The following CA10 variants were observed in gnomAD, a reference collection of about 807,000 sequenced individuals.
CA10 encodes carbonic anhydrase-related protein 10.
A neutral mutation model predicts 44.2 loss-of-function variants in CA10; 14 were observed. The observed-to-expected ratio is 0.32, with a 90% CI of 0.21 to 0.50. The LOEUF (loss-of-function observed/expected upper bound fraction) is 0.50, where lower values mean the gene tolerates loss of function less well. Ranked by LOEUF, CA10 falls within the 20% of genes least tolerant of loss-of-function variation. The pLI is 0.99. For missense variants in CA10, 350 were observed against 409.7 expected, an observed-to-expected ratio of 0.85 and a Z score of 1.26; for synonymous variants, 159 against 141.6, an observed-to-expected ratio of 1.12 and a Z score of -0.87.
At chr17:51,801,974 G>A (rs145747114) in intron 3 of CA10, among the ~76,000 whole-genome samples, 1 of 152,326 alleles carries the variant, frequency 6.6e-6, no homozygotes, top group Non-Finnish European at 1.5e-5. Context: ...GGAAGGAGGT[G>A]CAGGGTGTGG....
intron 3 of CA10, among the ~76,000 whole-genome samples, chr17:51,853,598 C>T (rs1441597496): frequency 6.6e-6 from 1 of 152,186 alleles, no homozygotes; most frequent in Non-Finnish European, 1.5e-5. Context: ...TTCCTCAGTT[C>T]TTCAGACTCG....
chr17:52,064,691 A>G (rs1031063750), intron 2 of CA10, among the ~76,000 whole-genome samples: 1 of 152,154 alleles, frequency 6.6e-6, no homozygotes, highest in Non-Finnish European at 1.5e-5. Flanking sequence ...CCAAAAAGAA[A>G]AGGATGGAAA....
chr17:51,689,952 AT>A (rs141637521), intron 4 of CA10, among the ~76,000 whole-genome samples: 173 of 144,890 alleles, frequency 1.2e-3, no homozygotes, highest in East Asian at 1.8e-3. Context: ...ACTCTTACCG[AT>A]TTTTTTTTTT....
chr17:51,939,156 TTC>T (rs1982980939), intron 2 of CA10, among the ~76,000 whole-genome samples: 1 of 152,050 alleles, frequency 6.6e-6, no homozygotes, highest in African/African-American at 2.4e-5. Flanking sequence ...ATTTGAGAGG[TTC>T]TTTTCTAAAA....
intron 2 of CA10, among the ~76,000 whole-genome samples, chr17:52,016,682 G>T (rs2144145448): frequency 6.6e-6 from 1 of 152,214 alleles, no homozygotes; most frequent in Middle Eastern, 3.4e-3. Context: ...AGAGGCTGAG[G>T]TGGATAGATC....
intron 1 of CA10, among the ~76,000 whole-genome samples, chr17:52,111,147 A>G (rs1455906784): frequency 2.0e-5 from 3 of 152,090 alleles, no homozygotes; most frequent in African/African-American, 7.2e-5. Context: ...TGGCCCTCAG[A>G]ATTGCCAAGA....
At chr17:51,811,142 G>A (rs1907348011) in intron 3 of CA10, among the ~76,000 whole-genome samples, 1 of 149,772 alleles carries the variant, frequency 6.7e-6, no homozygotes, top group Non-Finnish European at 1.5e-5. Flanking sequence ...GTTGCAGTGA[G>A]CCAAGGTTGT....
chr17:51,971,541 T>C (rs1035088150), intron 2 of CA10, among the ~76,000 whole-genome samples: 1 of 152,120 alleles, frequency 6.6e-6, no homozygotes, highest in Non-Finnish European at 1.5e-5. Flanking sequence ...GCAACCACTA[T>C]AGAAAATTAT....
chr17:51,671,700 G>A (rs1368636487), intron 4 of CA10, among the ~76,000 whole-genome samples: 1 of 152,084 alleles, frequency 6.6e-6, no homozygotes, highest in Non-Finnish European at 1.5e-5. Flanking sequence ...CACCACGCCC[G>A]GCCACATTTG....
chr17:51,828,525 C>G (rs776281518), intron 3 of CA10, among the ~76,000 whole-genome samples: 2 of 151,686 alleles, frequency 1.3e-5, no homozygotes, highest in East Asian at 1.9e-4. Flanking sequence ...TGGGTAGATA[C>G]TAAAAAAAAA....
intron 3 of CA10, among the ~76,000 whole-genome samples, chr17:51,882,108 C>T (rs1204060031): frequency 6.6e-6 from 1 of 151,086 alleles, no homozygotes; most frequent in Admixed American, 6.6e-5. Flanking sequence ...AGTTACACGG[C>T]CTGACTTTAA....
chr17:51,899,269 G>T (rs1981207728), intron 3 of CA10, among the ~76,000 whole-genome samples: 1 of 150,474 alleles, frequency 6.6e-6, no homozygotes, highest in Non-Finnish European at 1.5e-5. Flanking sequence ...TTAGTTCAAA[G>T]AAAATTTTCA....
chr17:51,899,322 C>T (rs147086336), intron 3 of CA10, among the ~76,000 whole-genome samples: 50 of 152,186 alleles, frequency 3.3e-4, no homozygotes, highest in African/African-American at 1.2e-3. Flanking sequence ...AAAAGTCATT[C>T]ATTCAGGAGC....
intron 2 of CA10, among the ~76,000 whole-genome samples, chr17:51,941,219 A>G (rs1240076997): frequency 6.6e-6 from 1 of 152,108 alleles, no homozygotes; most frequent in African/African-American, 2.4e-5. Flanking sequence ...GCACAGAATT[A>G]AGATGAATTA....
chr17:52,073,869 C>A (rs1324038817), intron 1 of CA10, among the ~76,000 whole-genome samples: 2 of 152,180 alleles, frequency 1.3e-5, no homozygotes, highest in Non-Finnish European at 2.9e-5. Context: ...TCAACTGAGA[C>A]TCTGGGAATT....
At chr17:52,064,931 A>G (rs879830343) in intron 2 of CA10, among the ~76,000 whole-genome samples, 1 of 152,224 alleles carries the variant, frequency 6.6e-6, no homozygotes, top group Admixed American at 6.5e-5. Flanking sequence ...CCCAGATCTC[A>G]GAGGAAGAGT....
intron 2 of CA10, among the ~76,000 whole-genome samples, chr17:52,002,538 T>C (rs991700201): frequency 1.3e-5 from 2 of 152,000 alleles, no homozygotes; most frequent in Admixed American, 1.3e-4. Flanking sequence ...ATGGTGAGAC[T>C]TCAGGGGGTT....
At chr17:52,081,597 G>A (rs549242265) in intron 1 of CA10, among the ~76,000 whole-genome samples, 26 of 152,052 alleles carry the variant, frequency 1.7e-4, no homozygotes, top group African/African-American at 6.3e-4. Flanking sequence ...TCAGGAGATC[G>A]AGACCATCCC....
chr17:51,995,180 C>A (rs1458684697), intron 2 of CA10, among the ~76,000 whole-genome samples: 10 of 151,838 alleles, frequency 6.6e-5, no homozygotes, highest in African/African-American at 2.4e-4. Context: ...GGAGTAAAAC[C>A]ATGTAATATG....
Sources: gnomAD v4.1 joint callset for allele counts (sites outside exome capture counted in the v4.1 genomes callset) on GRCh38, gnomAD v4.1.1 for gene constraint, MANE v1.5 for transcripts, NCBI Gene and HGNC (gene_info 2026-07-23, HGNC 2026-07-21) for gene names.